The following BRINP1 variants were observed in gnomAD, a reference collection of about 807,000 sequenced individuals.
The protein encoded by BRINP1 is BMP/retinoic acid inducible neural specific 1, also known as BMP/retinoic acid-inducible neural-specific protein 1.
In BRINP1, 17 loss-of-function variants were observed where a neutral mutation model predicts 72.9. That is an observed-to-expected ratio of 0.23 (90% CI 0.16 to 0.35). The LOEUF is 0.35. Among genes scored for constraint, BRINP1 ranks in the 10% least tolerant of loss-of-function variants. The probability of loss-of-function intolerance (pLI) is 1.00; values close to 1 mark genes in which losing one functional copy is unlikely to be tolerated. For missense variants in BRINP1, 850 were observed against 1,001.6 expected (o/e 0.85, Z 2.04); for synonymous variants, 418 against 378.5 (o/e 1.10, Z -1.21).
At chr9:119,343,484 CT>C (rs1831423398) in intron 1 of BRINP1, among the ~76,000 whole-genome samples, 1 of 152,194 alleles carries the variant, frequency 6.6e-6, no homozygotes, top group Non-Finnish European at 1.5e-5. Flanking sequence ...ATGAATCTGG[CT>C]TCTTCAACGT....
intron 5 of BRINP1, among the ~76,000 whole-genome samples, chr9:119,236,605 A>G (rs1830193767): frequency 6.6e-6 from 1 of 152,146 alleles, no homozygotes; most frequent in Non-Finnish European, 1.5e-5. Context: ...CTCAGTATGC[A>G]CAGCAGGGTG....
chr9:119,217,368 G>A (rs1218774857), intron 5 of BRINP1, among the ~76,000 whole-genome samples: 1 of 151,314 alleles, frequency 6.6e-6, no homozygotes. Flanking sequence ...GAGAGAGAGA[G>A]AAAAGAAAAC....
At chr9:119,174,472 T>G (rs1829457297) in intron 7 of BRINP1, among the ~76,000 whole-genome samples, 1 of 146,098 alleles carries the variant, frequency 6.8e-6, no homozygotes, top group Non-Finnish European at 1.5e-5. Context: ...AAACAACAGG[T>G]GCTGGAGAGG....
chr9:119,347,109 T>C (rs1048619395), intron 1 of BRINP1, among the ~76,000 whole-genome samples: 12 of 152,184 alleles, frequency 7.9e-5, no homozygotes, highest in African/African-American at 2.2e-4. Flanking sequence ...GGCTTGGAAT[T>C]AATGCCTGCA....
chr9:119,335,326 C>T (rs1430159922), intron 1 of BRINP1, among the ~76,000 whole-genome samples: 1 of 152,154 alleles, frequency 6.6e-6, no homozygotes, highest in African/African-American at 2.4e-5. Flanking sequence ...TGAGTCAAGG[C>T]TCATCCCATC....
At chr9:119,289,250 T>A (rs945251306) in intron 2 of BRINP1, among the ~76,000 whole-genome samples, 1 of 152,154 alleles carries the variant, frequency 6.6e-6, no homozygotes, top group African/African-American at 2.4e-5. Context: ...TAAGAAGTAA[T>A]TGGGTGTGGC....
intron 1 of BRINP1, among the ~76,000 whole-genome samples, chr9:119,339,620 C>T (rs1215221735): frequency 6.6e-6 from 1 of 152,156 alleles, no homozygotes; most frequent in East Asian, 1.9e-4. Flanking sequence ...CATCACTTAT[C>T]CCCTAGCAAG....
At chr9:119,296,786 A>G (rs759490692) in intron 2 of BRINP1, among the ~76,000 whole-genome samples, 1 of 152,236 alleles carries the variant, frequency 6.6e-6, no homozygotes, top group Non-Finnish European at 1.5e-5. Flanking sequence ...GCATGATTTC[A>G]CTTGTATGTG....
chr9:119,326,578 G>C (rs1358420328), intron 1 of BRINP1, among the ~76,000 whole-genome samples: 1 of 151,948 alleles, frequency 6.6e-6, no homozygotes, highest in Non-Finnish European at 1.5e-5. Flanking sequence ...GAAATGTGAG[G>C]GTCTAAATTC....
At chr9:119,286,112 C>T (rs1014642524) in intron 2 of BRINP1, among the ~76,000 whole-genome samples, 1 of 152,086 alleles carries the variant, frequency 6.6e-6, no homozygotes, top group Non-Finnish European at 1.5e-5. Context: ...ATTATCACCA[C>T]GAAAATTGTC....
intron 2 of BRINP1, among the ~76,000 whole-genome samples, chr9:119,289,443 A>G (rs1421985665): frequency 6.6e-6 from 1 of 152,180 alleles, no homozygotes; most frequent in African/African-American, 2.4e-5. Context: ...CTGTTCCGTG[A>G]AAGGAGGAGG....
intron 2 of BRINP1, among the ~76,000 whole-genome samples, chr9:119,270,196 G>A (rs942863860): frequency 3.9e-5 from 6 of 152,160 alleles, no homozygotes; most frequent in African/African-American, 1.2e-4. Context: ...GAGTAATAGC[G>A]GGTAATGTTG....
At chr9:119,304,309 T>C (rs777139472) in intron 2 of BRINP1, among the ~76,000 whole-genome samples, 10 of 152,202 alleles carry the variant, frequency 6.6e-5, no homozygotes, top group Non-Finnish European at 1.3e-4. Flanking sequence ...AGGTAGTAAG[T>C]GGCAGAACCA....
chr9:119,216,754 C>A (rs183853701), intron 5 of BRINP1, among the ~76,000 whole-genome samples: 2 of 152,260 alleles, frequency 1.3e-5, no homozygotes, highest in East Asian at 3.9e-4. Flanking sequence ...ATAAAATATT[C>A]TATTCTTGGT....
intron 5 of BRINP1, among the ~76,000 whole-genome samples, chr9:119,218,119 T>G (rs1411683838): frequency 6.6e-6 from 1 of 152,090 alleles, no homozygotes; most frequent in Non-Finnish European, 1.5e-5. Context: ...AGAAGGGACC[T>G]GTCTGCCCTC....
intron 7 of BRINP1, among the ~76,000 whole-genome samples, chr9:119,184,008 CTT>C (rs901406405): frequency 6.6e-6 from 1 of 151,992 alleles, no homozygotes; most frequent in African/African-American, 2.4e-5. Context: ...AATTATAAGA[CTT>C]ATGTCTATTT....
At chr9:119,172,585 T>G (rs1424504777) in intron 7 of BRINP1, among the ~76,000 whole-genome samples, 1 of 151,428 alleles carries the variant, frequency 6.6e-6, no homozygotes, top group Non-Finnish European at 1.5e-5. Flanking sequence ...CTTCTGAAAC[T>G]ATTCCAATCA....
intron 5 of BRINP1, among the ~76,000 whole-genome samples, chr9:119,222,447 G>T (rs546704655): frequency 6.6e-6 from 1 of 152,116 alleles, no homozygotes; most frequent in African/African-American, 2.4e-5. Context: ...TAATTATCTG[G>T]TTCCTAACAG....
chr9:119,312,779 T>C (rs746946493), intron 2 of BRINP1, among the ~76,000 whole-genome samples: 13 of 152,274 alleles, frequency 8.5e-5, no homozygotes, highest in Admixed American at 2.0e-4. Flanking sequence ...TATATGACAT[T>C]AGACAAGTAA....
Sources: allele counts gnomAD v4.1 joint callset (sites outside exome capture counted in the v4.1 genomes callset), GRCh38; gene constraint gnomAD v4.1.1; transcripts MANE v1.5; gene names NCBI Gene and HGNC (gene_info 2026-07-23, HGNC 2026-07-21).